The following CACNA1S variants were observed in gnomAD, a reference collection of about 807,000 sequenced individuals.
CACNA1S encodes voltage-dependent L-type calcium channel subunit alpha-1S.
A neutral mutation model predicts 207.4 loss-of-function variants in CACNA1S; 126 were observed. That is an observed-to-expected ratio of 0.61 (90% CI 0.53 to 0.70). The LOEUF is 0.70. CACNA1S is among the 30% of genes least tolerant of loss of function. The probability of loss-of-function intolerance (pLI) is 0.00; values close to 1 mark genes in which losing one functional copy is unlikely to be tolerated. For missense variants in CACNA1S, 2,349 were observed against 2,422.8 expected (o/e 0.97, Z 0.64); for synonymous variants, 960 against 932.7 (o/e 1.03, Z -0.53).
At chr1:201,086,859 T>C (rs532565268) in intron 7 of CACNA1S, among the ~76,000 whole-genome samples, 1 of 152,382 alleles carries the variant, frequency 6.6e-6, no homozygotes, top group East Asian at 1.9e-4. Flanking sequence ...TGATTTCTAT[T>C]AGGACAAGTC....
chr1:201,075,791 G>C (rs1016259497), intron 12 of CACNA1S, among the ~76,000 whole-genome samples, 176 bp from the exon 13 acceptor site: 1 of 152,184 alleles, frequency 6.6e-6, no homozygotes, highest in Non-Finnish European at 1.5e-5. Flanking sequence ...ATTCCAGCTG[G>C]GGAATAGTGG....
intron 2 of CACNA1S, among the ~76,000 whole-genome samples, chr1:201,101,981 G>A (rs531317546): frequency 6.6e-6 from 1 of 152,318 alleles, no homozygotes; most frequent in South Asian, 2.1e-4. Context: ...TGCCCCAAAG[G>A]GGCTTTCTCT....
chr1:201,080,515 G>A (rs191848950), intron 10 of CACNA1S, among the ~76,000 whole-genome samples: 1 of 152,276 alleles, frequency 6.6e-6, no homozygotes, highest in Non-Finnish European at 1.5e-5. Context: ...CATCTGACCT[G>A]TAGCTAGTAA....
intron 2 of CACNA1S, among the ~76,000 whole-genome samples, chr1:201,106,381 TC>T (rs796593510): frequency 6.6e-6 from 1 of 151,338 alleles, no homozygotes; most frequent in African/African-American, 2.4e-5. Flanking sequence ...TTTTTCTAAA[TC>T]CCCCCCTGAC....
chr1:201,040,104 G>T (rs374523991), intron 43 of CACNA1S, 22 bp from the exon 44 acceptor site: 9 of 1,613,532 alleles, frequency 5.6e-6, no homozygotes, highest in African/African-American at 2.7e-5. Context: ...AGAGTAGGCT[G>T]AGTGGGGTCT....
intron 16 of CACNA1S, among the ~76,000 whole-genome samples, chr1:201,072,514 T>C (rs567175296): frequency 4.9e-4 from 75 of 152,288 alleles, no homozygotes; most frequent in African/African-American, 1.8e-3. Flanking sequence ...TGGCACTCAA[T>C]AAATACTTGC....
At chr1:201,108,708 T>C (rs1572077264) in intron 2 of CACNA1S, among the ~76,000 whole-genome samples, 1 of 152,236 alleles carries the variant, frequency 6.6e-6, no homozygotes, top group Admixed American at 6.5e-5. Context: ...CAGCTTCCCA[T>C]CAGCTCAAGA....
chr1:201,079,905 T>C (rs1431665085), intron 10 of CACNA1S, among the ~76,000 whole-genome samples: 1 of 152,192 alleles, frequency 6.6e-6, no homozygotes, highest in African/African-American at 2.4e-5. Flanking sequence ...CCCTGGCATT[T>C]AGTGCTTCTT....
At chr1:201,089,174 T>C (rs1662134522) in intron 6 of CACNA1S, 84 bp downstream of exon 6, 2 of 1,311,880 alleles carry the variant, frequency 1.5e-6, no homozygotes, top group Admixed American at 1.8e-5. Flanking sequence ...GCCTCCTGTG[T>C]GGACTGGCAA....
chr1:201,053,285 G>A lies in CACNA1S; in HGVS notation c.3796-11C>T, dbSNP rs369565379. ...CACGTAGGGTAGGGCCTGCAGGGCGGGCGGGAGCGCCAGTCAGTGTCTTAG... is the reference window on the plus strand; with the variant it reads ...CACGTAGGGTAGGGCCTGCAGGGCGAGCGGGAGCGCCAGTCAGTGTCTTAG... On this transcript the variant is annotated splice_polypyrimidine_tract_variant and intron_variant, in intron 30 of 43. Coordinates refer to ENST00000362061, the MANE Select transcript of CACNA1S (RefSeq NM_000069.3). The surrounding 1 kb of genome is among the most constrained non-coding windows in gnomAD (Gnocchi z 5.1). 210 of 1,614,138 alleles carry A rather than the reference G, an allele frequency of 1.3e-4. No individual in the cohort carries two copies. The African/African-American group carries it at 2.2e-3, about 17-fold the overall frequency.
intron 7 of CACNA1S, among the ~76,000 whole-genome samples, chr1:201,086,559 G>A (rs778070299): frequency 9.2e-5 from 14 of 152,210 alleles, no homozygotes; most frequent in Non-Finnish European, 1.0e-4. Context: ...TACCGTAGGC[G>A]ATTGTATCTG....
intron 22 of CACNA1S, among the ~76,000 whole-genome samples, chr1:201,062,790 G>C (rs1179068901): frequency 6.6e-6 from 1 of 152,246 alleles, no homozygotes; most frequent in African/African-American, 2.4e-5. Context: ...CAGTGCCTCA[G>C]AGGGGCATTT....
chr1:201,062,925 C>T (rs1661115897), intron 22 of CACNA1S, among the ~76,000 whole-genome samples: 1 of 152,242 alleles, frequency 6.6e-6, no homozygotes, highest in African/African-American at 2.4e-5. Flanking sequence ...CTTCTGTGGT[C>T]TCCCATTATG....
chr1:201,073,405 A>G, intron 15 of CACNA1S, 144 bp downstream of exon 15: 1 of 769,044 alleles, frequency 1.3e-6, no homozygotes. Context: ...CTCTCCCTCC[A>G]GTCGTACGCA....
intron 2 of CACNA1S, among the ~76,000 whole-genome samples, chr1:201,095,787 T>A (rs4915483): frequency 1.3e-5 from 2 of 152,062 alleles, no homozygotes; most frequent in Non-Finnish European, 2.9e-5. Context: ...GTGGGGCAGC[T>A]GCTCCAAGGA....
intron 10 of CACNA1S, 54 bp downstream of exon 10, chr1:201,083,108 A>G: frequency 1.2e-6 from 2 of 1,603,476 alleles, no homozygotes; most frequent in Non-Finnish European, 1.7e-6. Context: ...TGATTTTGAC[A>G]TCAAGCCACA....
chr1:201,040,724 G>T lies in CACNA1S; in HGVS notation c.5135-11C>A. 1 of 1,610,394 alleles carries T rather than the reference G, an allele frequency of 6.2e-7. No homozygotes were observed. Among genetic ancestry groups the T allele is most frequent in the South Asian group, 1.1e-5 (1 of 90,892 alleles). On this transcript the variant is annotated splice_polypyrimidine_tract_variant and intron_variant, in intron 41 of 43. Transcript: ENST00000362061. ...GTTTGCTGTGGGGTCCTGTATGCAA[G>T]AAGGGGCAAGGATAAGAGGGGCTGC...
Position 201,039,855 on chromosome 1 carries a change from C to G in CACNA1S, c.5598G>C (p.Glu1866Asp). Reference protein sequence around the residue: ...GSLDQHQGSQETLIPPRL With the variant: ...GSLDQHQGSQDTLIPPRL ...ATCACAGCCTTGGAGGAATAAGGGTCTCCTGGGAGCCCTGGTGTTGGTCGA... is the reference window on the plus strand; with the variant it reads ...ATCACAGCCTTGGAGGAATAAGGGTGTCCTGGGAGCCCTGGTGTTGGTCGA... Residue 1866 changes from glutamate (E) to aspartate (D), a missense_variant, in exon 44 of 44, where the codon GAG becomes GAC. By Grantham distance (45) the Glu-to-Asp change is conservative. Transcript: ENST00000362061. The G allele has an allele frequency of 6.2e-7, 1 of 1,607,968 alleles. No individual in the cohort carries two copies. The highest frequency in any genetic ancestry group is 8.5e-7 in the Non-Finnish European group (1 of 1,180,000).
intron 40 of CACNA1S, 139 bp downstream of exon 40, chr1:201,043,142 G>A (rs1213426405): frequency 1.8e-6 from 2 of 1,142,796 alleles, no homozygotes; most frequent in East Asian, 2.4e-5. Flanking sequence ...TTACATTAAG[G>A]TTCAGGATGG....
Sources: gnomAD v4.1 joint callset for allele counts (sites outside exome capture counted in the v4.1 genomes callset) on GRCh38, gnomAD v4.1.1 for gene constraint, Gnocchi (gnomAD v3.1) non-coding constraint, MANE v1.5 for transcripts, NCBI Gene and HGNC (gene_info 2026-07-23, HGNC 2026-07-21) for gene names.